RP1: variants seen among roughly 807,000 people sequenced by gnomAD.
RP1 encodes oxygen-regulated protein 1.
Under a neutral mutation model 14.8 loss-of-function variants are expected in RP1, and 16 were observed. The observed-to-expected ratio is 1.08, with a 90% CI of 0.73 to 1.65. RP1 has a LOEUF of 1.65. Ranked by LOEUF, RP1 falls within the 40% of genes most tolerant of loss-of-function variation. The pLI is 0.00. For missense variants in RP1, 2,631 were observed against 2,535.0 expected, an observed-to-expected ratio of 1.04 and a Z score of -0.81; for synonymous variants, 876 against 883.6, an observed-to-expected ratio of 0.99 and a Z score of 0.15.
At chr8:54,585,192 G>A (rs1277385163) in intron 1 of RP1, among the ~76,000 whole-genome samples, 1 of 152,128 alleles carries the variant, frequency 6.6e-6, no homozygotes, top group Non-Finnish European at 1.5e-5. Flanking sequence ...GGCAGGCCTG[G>A]TCATGAGAAA....
intron 5 of RP1, among the ~76,000 whole-genome samples, chr8:54,655,250 C>T (rs994126216): frequency 3.3e-5 from 5 of 152,198 alleles, no homozygotes; most frequent in Non-Finnish European, 5.9e-5. Context: ...CCCTTGCACA[C>T]TGGCATGCTT....
At chr8:54,614,943 T>C (rs1158233538), upstream of RP1, among the ~76,000 whole-genome samples, 1 of 152,198 alleles carries the variant, frequency 6.6e-6, no homozygotes, top group African/African-American at 2.4e-5. Flanking sequence ...AATGCTGCAT[T>C]AGTCCTTAGC....
intron 3 of RP1, among the ~76,000 whole-genome samples, chr8:54,638,303 T>C (rs1333824584): frequency 6.6e-6 from 1 of 152,034 alleles, no homozygotes; most frequent in East Asian, 1.9e-4. Context: ...CCAGGCATGG[T>C]GTTGTGCACC....
intron 1 of RP1, among the ~76,000 whole-genome samples, chr8:54,582,185 T>C (rs999175782): frequency 6.6e-6 from 1 of 152,038 alleles, no homozygotes; most frequent in African/African-American, 2.4e-5. Flanking sequence ...TTGTATAAGG[T>C]GTAAGGAAGG....
intron 24 of RP1, among the ~76,000 whole-genome samples, chr8:54,834,647 A>G (rs1432579729): frequency 6.6e-6 from 1 of 151,376 alleles, no homozygotes; most frequent in African/African-American, 2.4e-5. Context: ...CATGTTGTAT[A>G]ATATAACAAA....
intron 28 of RP1, among the ~76,000 whole-genome samples, chr8:54,867,758 G>A (rs1812491402): frequency 6.6e-6 from 1 of 152,116 alleles, no homozygotes; most frequent in Non-Finnish European, 1.5e-5. Flanking sequence ...TCAAATAATT[G>A]ACTAAGTTTT....
At chr8:54,762,877 C>T (rs1207832528) in intron 22 of RP1, among the ~76,000 whole-genome samples, 1 of 152,156 alleles carries the variant, frequency 6.6e-6, no homozygotes, top group African/African-American at 2.4e-5. Flanking sequence ...CCAGCCTCTG[C>T]TCCGTTGTCA....
chr8:54,710,280 G>T (rs533806054), intron 15 of RP1, among the ~76,000 whole-genome samples: 1 of 152,354 alleles, frequency 6.6e-6, no homozygotes, highest in South Asian at 2.1e-4. Flanking sequence ...AACAAGTGCA[G>T]GCACTGGAGC....
chr8:54,696,834 A>G, intron 12 of RP1: 2 of 744,236 alleles, frequency 2.7e-6, no homozygotes, highest in Middle Eastern at 3.8e-4. Flanking sequence ...CCAAATCTGA[A>G]GTCTGTCCAG....
Position 54,703,657 on chromosome 8 carries a change from A to G in RP1, c.1998+1995A>G, listed in dbSNP as rs547436065. On this transcript the variant is annotated intron_variant, in intron 14 of 22. Transcript: ENST00000636932. ...ACTTATCCTTTGAAGCTTTGAAGCC[A>G]GGCAATGAATTCTCCTCTCTAGCTA... is the stretch of plus-strand genomic sequence containing the variant. Among the ~76,000 whole-genome samples the G allele has an allele frequency of 9.5e-4, 144 of 152,338 alleles. 1 individual carries two copies. The highest frequency in any genetic ancestry group is 1.4e-3 in the Non-Finnish European group (97 of 68,028).
intron 28 of RP1, among the ~76,000 whole-genome samples, chr8:54,868,201 T>A (rs193148867): frequency 6.6e-6 from 1 of 152,306 alleles, no homozygotes; most frequent in Non-Finnish European, 1.5e-5. Flanking sequence ...GTAGAAATCA[T>A]GAAAGTGACT....
intron 18 of RP1, among the ~76,000 whole-genome samples, chr8:54,735,440 G>C (rs1329469363): frequency 6.6e-6 from 1 of 152,082 alleles, no homozygotes; most frequent in Non-Finnish European, 1.5e-5. Context: ...GTGGCTCTTT[G>C]GTGTACTGTT....
At chr8:54,598,265 T>C (rs1471682807) in intron 1 of RP1, among the ~76,000 whole-genome samples, 2 of 152,194 alleles carry the variant, frequency 1.3e-5, no homozygotes, top group African/African-American at 4.8e-5. Context: ...AGAATTCTAT[T>C]TTGATTCTAT....
At chr8:54,843,228 ATG>A (rs1811831306) in intron 25 of RP1, among the ~76,000 whole-genome samples, 1 of 151,956 alleles carries the variant, frequency 6.6e-6, no homozygotes, top group African/African-American at 2.4e-5. Flanking sequence ...GTATTTATGT[ATG>A]TATGTATGTA....
intron 1 of RP1, among the ~76,000 whole-genome samples, chr8:54,569,271 T>A (rs1029808382): frequency 6.6e-6 from 1 of 152,232 alleles, no homozygotes; most frequent in Admixed American, 6.5e-5. Flanking sequence ...GCCTTCTCAG[T>A]GAATTGGTTT....
At chr8:54,565,480 G>A (rs1353119439) in intron 1 of RP1, among the ~76,000 whole-genome samples, 6 of 152,136 alleles carry the variant, frequency 3.9e-5, no homozygotes, top group African/African-American at 1.2e-4. Context: ...CAGGAGAATC[G>A]CTTGAACCCA....
At chr8:54,719,353 AAGAGAG>A (rs1808482507) in intron 15 of RP1, among the ~76,000 whole-genome samples, 1 of 152,160 alleles carries the variant, frequency 6.6e-6, no homozygotes, top group Admixed American at 6.5e-5. Flanking sequence ...GCGAGAGAGA[AAGAGAG>A]AGAGACTCCC....
Position 54,819,923 on chromosome 8 carries a change from G to A in RP1, c.3616-17527G>A, listed in dbSNP as rs1161075642. On this transcript the variant is annotated intron_variant, in intron 24 of 28. Transcript: ENST00000637698. Reference sequence around the variant, plus strand: ...GAATGTGCAAGAAGTACTTGATATAGTACTGGGTCTCACGCAAGATCCGCG... The same window carrying A: ...GAATGTGCAAGAAGTACTTGATATAATACTGGGTCTCACGCAAGATCCGCG... 5.9e-5 allele frequency among the ~76,000 whole-genome samples: 9 copies of A among 152,252 alleles called. No individual in the cohort carries two copies. In the South Asian group the frequency reaches 8.3e-4, roughly 14 times the overall value.
intron 17 of RP1, among the ~76,000 whole-genome samples, chr8:54,733,657 A>G (rs1225186973): frequency 1.3e-5 from 2 of 152,122 alleles, no homozygotes; most frequent in African/African-American, 4.8e-5. Context: ...CTACCTTTTA[A>G]CCATTTGACA....
Sources: allele counts gnomAD v4.1 joint callset (sites outside exome capture counted in the v4.1 genomes callset), GRCh38; gene constraint gnomAD v4.1.1; transcripts MANE v1.5; gene names NCBI Gene and HGNC (gene_info 2026-07-23, HGNC 2026-07-21).